LGR5: variants seen among roughly 807,000 people sequenced by gnomAD.
LGR5 encodes leucine-rich repeat-containing G protein-coupled receptor 5.
A neutral mutation model predicts 76.7 loss-of-function variants in LGR5; 54 were observed. The observed-to-expected ratio is 0.70, with a 90% CI of 0.57 to 0.88. The LOEUF is 0.88. Among genes scored for constraint, LGR5 ranks in the 40% least tolerant of loss-of-function variants. LGR5 has a pLI of 0.00. For missense variants in LGR5, 1,078 were observed against 1,073.3 expected, an observed-to-expected ratio of 1.00 and a Z score of -0.06; for synonymous variants, 406 against 421.9, an observed-to-expected ratio of 0.96 and a Z score of 0.46.
intron 1 of LGR5, among the ~76,000 whole-genome samples, chr12:71,492,377 G>A (rs913004561): frequency 6.6e-6 from 1 of 152,140 alleles, no homozygotes; most frequent in Non-Finnish European, 1.5e-5. Flanking sequence ...AACTAGTTCA[G>A]CATTTCAACT....
At chr12:71,556,430 C>T (rs1877767736) in intron 5 of LGR5, among the ~76,000 whole-genome samples, 189 bp from the exon 6 acceptor site, 1 of 152,088 alleles carries the variant, frequency 6.6e-6, no homozygotes, top group Non-Finnish European at 1.5e-5. Context: ...AAAACTGTGA[C>T]TGTCTTTTAA....
chr12:71,511,141 G>A (rs913478565), intron 2 of LGR5, among the ~76,000 whole-genome samples: 3 of 152,174 alleles, frequency 2.0e-5, no homozygotes, highest in Non-Finnish European at 4.4e-5. Context: ...AATTATGGAA[G>A]CCGAAGGACC....
At chr12:71,582,423 G>C in intron 16 of LGR5, 33 bp from the exon 17 acceptor site, 1 of 1,587,508 alleles carries the variant, frequency 6.3e-7, no homozygotes, top group Non-Finnish European at 8.7e-7. Flanking sequence ...AAGAGAGTCA[G>C]AACTAATCAT....
intron 3 of LGR5, among the ~76,000 whole-genome samples, chr12:71,533,156 C>G (rs2137362775): frequency 6.6e-6 from 1 of 152,144 alleles, no homozygotes; most frequent in East Asian, 1.9e-4. Context: ...ACCAGCCTGG[C>G]CAACATGGTG....
At chr12:71,534,913 C>T (rs919052554) in intron 3 of LGR5, among the ~76,000 whole-genome samples, 3 of 152,126 alleles carry the variant, frequency 2.0e-5, no homozygotes, top group Non-Finnish European at 1.5e-5. Flanking sequence ...ATTCATAGTA[C>T]TTATCACTTG....
chr12:71,471,286 A>G (rs892352991), intron 1 of LGR5, among the ~76,000 whole-genome samples: 1 of 152,232 alleles, frequency 6.6e-6, no homozygotes, highest in Non-Finnish European at 1.5e-5. Context: ...ACAGTGTGGT[A>G]TATCTACACA....
At chr12:71,508,597 T>G (rs1874979891) in intron 2 of LGR5, among the ~76,000 whole-genome samples, 1 of 151,420 alleles carries the variant, frequency 6.6e-6, no homozygotes, top group Non-Finnish European at 1.5e-5. Context: ...CTACTAAAAA[T>G]ACAAAAATTA....
chr12:71,542,208 A>G (rs1876913417), intron 4 of LGR5, among the ~76,000 whole-genome samples: 1 of 152,208 alleles, frequency 6.6e-6, no homozygotes, highest in Admixed American at 6.5e-5. Context: ...TCCTACTGCT[A>G]ATGCAAAAGT....
chr12:71,566,232 C>T (rs1795461), intron 8 of LGR5, among the ~76,000 whole-genome samples, 172 bp from the exon 9 acceptor site: 133,896 of 151,952 alleles, frequency 0.88, 60,961 homozygotes, highest in East Asian at 1. Flanking sequence ...TCTCATACTG[C>T]GAGTCAAAAC....
intron 14 of LGR5, 70 bp from the exon 15 acceptor site, chr12:71,578,733 GT>G (rs147611388): frequency 0.07 from 99,909 of 1,430,918 alleles, 3,862 homozygotes; most frequent in South Asian, 0.077. Context: ...TCTTTAGGTT[GT>G]TGTTTTTTTT....
intron 1 of LGR5, among the ~76,000 whole-genome samples, chr12:71,443,242 A>G (rs1310972126): frequency 6.6e-6 from 1 of 152,240 alleles, no homozygotes; most frequent in Admixed American, 6.5e-5. Context: ...AGTTTCCTAC[A>G]TCTCTTCACA....
chr12:71,566,364 T>G, intron 8 of LGR5, 40 bp from the exon 9 acceptor site: 1 of 1,329,352 alleles, frequency 7.5e-7, no homozygotes, highest in Non-Finnish European at 1.1e-6. Flanking sequence ...TCTTTCAAAT[T>G]TTATACTAAG....
chr12:71,558,626 T>C (rs561462818), intron 6 of LGR5, among the ~76,000 whole-genome samples: 1 of 152,346 alleles, frequency 6.6e-6, no homozygotes, highest in South Asian at 2.1e-4. Flanking sequence ...GCCAGACAAG[T>C]AGGAACCTTG....
chr12:71,552,719 G>T (rs564131832), intron 4 of LGR5, among the ~76,000 whole-genome samples: 2 of 152,248 alleles, frequency 1.3e-5, no homozygotes, highest in Admixed American at 1.3e-4. Flanking sequence ...AGGGTGGGAG[G>T]AGGAAAAGGA....
chr12:71,577,477 C>A (rs969965052), intron 13 of LGR5, among the ~76,000 whole-genome samples: 3 of 152,100 alleles, frequency 2.0e-5, no homozygotes, highest in Non-Finnish European at 4.4e-5. Flanking sequence ...CTTTGTGTTT[C>A]TTTCAAGGCC....
chr12:71,548,447 C>G (rs1399271246), intron 4 of LGR5, among the ~76,000 whole-genome samples: 1 of 152,068 alleles, frequency 6.6e-6, no homozygotes, highest in African/African-American at 2.4e-5. Flanking sequence ...AAAGAAATAG[C>G]CTGCATTTCT....
intron 1 of LGR5, among the ~76,000 whole-genome samples, chr12:71,464,196 G>T (rs1443780591): frequency 6.6e-6 from 1 of 152,096 alleles, no homozygotes; most frequent in Non-Finnish European, 1.5e-5. Context: ...CTCAAAGGAA[G>T]ACTCTAAAGA....
At chr12:71,572,109 A>C (rs372931852) in intron 12 of LGR5, among the ~76,000 whole-genome samples, 5 of 139,238 alleles carry the variant, frequency 3.6e-5, no homozygotes, top group South Asian at 4.7e-4. Flanking sequence ...CTCAAGATGG[A>C]GTCTCGCTCT....
rs1160699143 is a variant in LGR5 at position 71,566,418 on chromosome 12, A to G, written c.872A>G (p.Asn291Ser). 6.3e-7 allele frequency: 1 copy of G among 1,598,866 alleles called. No individual in the cohort carries two copies. The highest frequency in any genetic ancestry group is 8.6e-7 in the Non-Finnish European group (1 of 1,166,568). The change falls in exon 9 of 18, where the codon AAT becomes AGT. Residue 291 changes from asparagine to serine, a missense_variant. Coordinates refer to ENST00000266674, the MANE Select transcript of LGR5 (RefSeq NM_003667.4). Reference protein sequence around the residue: ...PSLITIHFYDNPIQFVGRSAF... With the variant: ...PSLITIHFYDSPIQFVGRSAF... ...GTTTCTTTTAGACATTTCTATGACA[A>G]TCCCATCCAGTTTGTTGGGAGATCT...
Sources: gnomAD v4.1 joint callset for allele counts (sites outside exome capture counted in the v4.1 genomes callset) on GRCh38, gnomAD v4.1.1 for gene constraint, MANE v1.5 for transcripts, NCBI Gene and HGNC (gene_info 2026-07-23, HGNC 2026-07-21) for gene names.